The following MSRA variants were observed in gnomAD, a reference collection of about 807,000 sequenced individuals.
MSRA encodes the protein methionine sulfoxide reductase A, also known as mitochondrial peptide methionine sulfoxide reductase.
Under a neutral mutation model 31.3 loss-of-function variants are expected in MSRA, and 54 were observed. The ratio of observed to expected loss-of-function variants is 1.73; its 90% CI spans 1.39 to 2.17. The LOEUF is 2.17. Among genes scored for constraint, MSRA ranks in the 30% most tolerant of loss-of-function variants. The probability of loss-of-function intolerance (pLI) is 0.00; values close to 1 mark genes in which losing one functional copy is unlikely to be tolerated. For missense variants in MSRA, 507 were observed against 300.9 expected (o/e 1.69, Z -5.07); for synonymous variants, 169 against 116.5 (o/e 1.45, Z -2.90).
chr8:10,100,272 G>T lies in MSRA; in HGVS notation c.142+45614G>T, dbSNP rs567089462. ...TTGTCCTGGGAGGTTTTGAGGCCCA[G>T]GAGAGGGAGAGGCAGAGTCAGGAGC... On this transcript the variant is annotated intron_variant, in intron 1 of 5. Coordinates refer to ENST00000317173, the MANE Select transcript of MSRA (RefSeq NM_012331.5). Among the ~76,000 whole-genome samples the T allele has an allele frequency of 8.5e-5, 13 of 152,172 alleles. 1 individual carries two copies. Among genetic ancestry groups the T allele is most frequent in the Non-Finnish European group, 4.4e-5 (3 of 68,024 alleles).
At chr8:10,404,000 G>T (rs1807632713) in intron 5 of MSRA, among the ~76,000 whole-genome samples, 1 of 152,076 alleles carries the variant, frequency 6.6e-6, no homozygotes, top group Non-Finnish European at 1.5e-5. Flanking sequence ...GTTGGGCGGG[G>T]GACTGTTGCT....
chr8:10,356,687 G>C (rs1396712126), intron 5 of MSRA, among the ~76,000 whole-genome samples: 2 of 152,100 alleles, frequency 1.3e-5, no homozygotes, highest in African/African-American at 4.8e-5. Flanking sequence ...CCATTCTGCT[G>C]TGTGAGGACA....
intron 3 of MSRA, among the ~76,000 whole-genome samples, chr8:10,297,129 A>G (rs540490811): frequency 6.6e-6 from 1 of 152,138 alleles, no homozygotes; most frequent in Non-Finnish European, 1.5e-5. Context: ...CTTAGCTTCC[A>G]TGTAGCTAGA....
intron 2 of MSRA, among the ~76,000 whole-genome samples, chr8:10,209,169 C>G (rs1052104229): frequency 6.6e-6 from 1 of 152,220 alleles, no homozygotes; most frequent in Non-Finnish European, 1.5e-5. Flanking sequence ...CTCTCTAAAC[C>G]ATGTGCTAAA....
chr8:10,054,388 C>CCCG lies in MSRA; in HGVS notation c.-129_-128insCCG. On this transcript the variant is annotated 5_prime_UTR_variant, in exon 1 of 6. Transcript: ENST00000317173. ...GCCTCCAGCCCCGCCAGCAGCGCCC[C>CCCG]GCGCCCGCCCGCCCGCGCCCCTGCC... 3.9e-6 allele frequency: 3 copies of CCCG among 773,606 alleles called. No homozygotes were observed. Among genetic ancestry groups the CCCG allele is most frequent in the Non-Finnish European group, 5.3e-6 (3 of 565,952 alleles). 47.9% of individuals were successfully genotyped at this position (773,606 alleles called of 1,614,324 possible). A position where few individuals can be genotyped will look rare whatever the true frequency, so the allele number is the denominator to read the frequency against.
chr8:10,249,350 C>G (rs904409756), intron 3 of MSRA, among the ~76,000 whole-genome samples: 10 of 152,266 alleles, frequency 6.6e-5, no homozygotes, highest in Non-Finnish European at 1.2e-4. Flanking sequence ...ATTGAGTTAA[C>G]CTCGGGCTGA....
intron 3 of MSRA, among the ~76,000 whole-genome samples, chr8:10,260,598 A>G (rs1026954991): frequency 2.6e-5 from 4 of 152,186 alleles, no homozygotes; most frequent in African/African-American, 7.2e-5. Flanking sequence ...TAGGAAATCC[A>G]AGGACGTATC....
intron 4 of MSRA, among the ~76,000 whole-genome samples, chr8:10,302,164 T>G (rs1318315700): frequency 6.6e-6 from 1 of 152,266 alleles, no homozygotes; most frequent in Non-Finnish European, 1.5e-5. Flanking sequence ...ATTTGTTCTC[T>G]TTGGAATTTG....
At position 10,300,124 on chromosome 8, in the gene MSRA, TTGTG is replaced by T. The variant is rs10682921; in HGVS notation, c.332-1387_332-1384del. Reference sequence around the variant, plus strand: ...CTGTAATGAATGCAGTGGAAGAAATTTGTGTGTGTGTGTGTGTGTGTGTGTGCAC... The same window carrying T: ...CTGTAATGAATGCAGTGGAAGAAATTTGTGTGTGTGTGTGTGTGTGTGCAC... On this transcript the variant is annotated intron_variant, in intron 3 of 5. Transcript: ENST00000317173. Among the ~76,000 whole-genome samples, 72 of 149,646 alleles carry T rather than the reference TTGTG, an allele frequency of 4.8e-4. 1 individual carries two copies. Among genetic ancestry groups the T allele is most frequent in the Middle Eastern group, 3.4e-3 (1 of 292 alleles).
At chr8:10,324,375 T>C (rs1023599745) in intron 5 of MSRA, among the ~76,000 whole-genome samples, 1 of 152,238 alleles carries the variant, frequency 6.6e-6, no homozygotes, top group Non-Finnish European at 1.5e-5. Flanking sequence ...CATGTCAGTC[T>C]GGATCCCTGG....
intron 1 of MSRA, among the ~76,000 whole-genome samples, chr8:10,124,757 G>A (rs945354312): frequency 1.3e-5 from 2 of 151,096 alleles, no homozygotes; most frequent in African/African-American, 2.4e-5. Context: ...ATTTTTTTTT[G>A]GTTGAGTTAA....
At chr8:10,383,833 T>C (rs1806221306) in intron 5 of MSRA, among the ~76,000 whole-genome samples, 1 of 152,168 alleles carries the variant, frequency 6.6e-6, no homozygotes, top group African/African-American at 2.4e-5. Context: ...GACTTCTGCT[T>C]CACTTGAGCA....
chr8:10,123,441 C>CA (rs1325152449), intron 1 of MSRA, among the ~76,000 whole-genome samples: 1 of 152,126 alleles, frequency 6.6e-6, no homozygotes, highest in East Asian at 1.9e-4. Flanking sequence ...GCATAGTTTG[C>CA]AAAAATTTTC....
At chr8:10,311,974 A>T (rs1372116577) in intron 4 of MSRA, among the ~76,000 whole-genome samples, 3 of 152,240 alleles carry the variant, frequency 2.0e-5, no homozygotes, top group Non-Finnish European at 4.4e-5. Flanking sequence ...GAAATTGTAA[A>T]ATACTTTGAA....
chr8:10,096,438 A>T (rs1417355648), intron 1 of MSRA: 1 of 302,462 alleles, frequency 3.3e-6, no homozygotes, highest in Admixed American at 6.4e-5. Context: ...GTGAGAAGGA[A>T]ATGATGAAAG....
intron 4 of MSRA, among the ~76,000 whole-genome samples, chr8:10,315,150 C>A (rs912826991): frequency 6.6e-6 from 1 of 152,154 alleles, no homozygotes; most frequent in African/African-American, 2.4e-5. Context: ...ATGGGAAAGA[C>A]CTGCCCCCCG....
chr8:10,291,508 A>AT (rs34153823), intron 3 of MSRA, among the ~76,000 whole-genome samples: 3,764 of 150,402 alleles, frequency 0.025, 95 homozygotes, highest in African/African-American at 0.07. Flanking sequence ...ATGTATTAGG[A>AT]TTTTTTTTTT....
chr8:10,314,262 T>A (rs1801594790), intron 4 of MSRA, among the ~76,000 whole-genome samples: 1 of 152,024 alleles, frequency 6.6e-6, no homozygotes, highest in African/African-American at 2.4e-5. Context: ...AGAGAGATTA[T>A]ATTTGATAAA....
intron 1 of MSRA, among the ~76,000 whole-genome samples, chr8:10,205,614 A>C (rs71516559): frequency 6.6e-6 from 1 of 152,318 alleles, no homozygotes; most frequent in African/African-American, 2.4e-5. Context: ...TGTGGAAAAA[A>C]TAGAAAAATC....
Sources: allele counts gnomAD v4.1 joint callset (sites outside exome capture counted in the v4.1 genomes callset), GRCh38; gene constraint gnomAD v4.1.1; transcripts MANE v1.5; gene names NCBI Gene and HGNC (gene_info 2026-07-23, HGNC 2026-07-21).